The following LAMA2 variants were observed in gnomAD, a reference collection of about 807,000 sequenced individuals.
The protein encoded by LAMA2 is laminin subunit alpha 2.
A neutral mutation model predicts 364.8 loss-of-function variants in LAMA2; 269 were observed. The ratio of observed to expected loss-of-function variants is 0.74; its 90% CI spans 0.67 to 0.82. LAMA2 has a LOEUF of 0.82. Among genes scored for constraint, LAMA2 ranks in the 40% least tolerant of loss-of-function variants. The pLI, the probability that LAMA2 is intolerant of heterozygous loss-of-function variation, is 0.00. For missense variants in LAMA2, 3,807 were observed against 3,873.2 expected (o/e 0.98, Z 0.45); for synonymous variants, 1,379 against 1,370.6 (o/e 1.01, Z -0.14).
intron 1 of LAMA2, 101 bp from the exon 2 acceptor site, chr6:129,049,817 T>G (rs970488834): frequency 1.9e-6 from 2 of 1,030,872 alleles, no homozygotes; most frequent in Non-Finnish European, 3.0e-6. Context: ...TTGGGTTACT[T>G]TAATGCTCCG....
At chr6:129,241,259 A>G (rs567141901) in intron 12 of LAMA2, among the ~76,000 whole-genome samples, 5 of 152,318 alleles carry the variant, frequency 3.3e-5, no homozygotes, top group East Asian at 1.9e-4. Flanking sequence ...TGCTTATGCA[A>G]AATTCCATAG....
At chr6:129,079,921 G>C (rs1320118873) in intron 3 of LAMA2, among the ~76,000 whole-genome samples, 1 of 152,124 alleles carries the variant, frequency 6.6e-6, no homozygotes, top group Non-Finnish European at 1.5e-5. Context: ...TATAGCCTCT[G>C]TGATATGTCG....
At chr6:129,515,918 A>C (rs896922738) in intron 64 of LAMA2, among the ~76,000 whole-genome samples, 2 of 152,054 alleles carry the variant, frequency 1.3e-5, no homozygotes, top group African/African-American at 4.8e-5. Flanking sequence ...CGAAGGGAGG[A>C]TCGCTTGAGC....
chr6:129,325,301 G>A (rs367951249), intron 28 of LAMA2, among the ~76,000 whole-genome samples: 7 of 152,162 alleles, frequency 4.6e-5, no homozygotes, highest in African/African-American at 1.7e-4. Flanking sequence ...ATGGGTAAGA[G>A]GAGCTCAGGA....
At chr6:128,998,555 C>T (rs1784156597) in intron 1 of LAMA2, among the ~76,000 whole-genome samples, 1 of 97,738 alleles carries the variant, frequency 1.0e-5, no homozygotes, top group Admixed American at 9.1e-5. Context: ...CGTGCGCGAG[C>T]CGAAGCAGGG....
intron 1 of LAMA2, among the ~76,000 whole-genome samples, chr6:128,943,063 TA>T (rs1241205687): frequency 6.6e-6 from 1 of 152,220 alleles, no homozygotes; most frequent in African/African-American, 2.4e-5. Context: ...AGCTATTTTT[TA>T]AGACATATAG....
chr6:129,272,365 T>C (rs947462520), intron 17 of LAMA2, among the ~76,000 whole-genome samples: 2 of 152,146 alleles, frequency 1.3e-5, no homozygotes, highest in African/African-American at 4.8e-5. Flanking sequence ...AGGACTCTCA[T>C]AGGGTTGATG....
At chr6:129,347,670 G>T (rs1328434400) in intron 30 of LAMA2, among the ~76,000 whole-genome samples, 1 of 152,144 alleles carries the variant, frequency 6.6e-6, no homozygotes, top group African/African-American at 2.4e-5. Context: ...GTCACCATGA[G>T]AAAAGCACAA....
chr6:129,288,165 C>T (rs1789415614), intron 19 of LAMA2, 107 bp downstream of exon 19: 2 of 908,668 alleles, frequency 2.2e-6, no homozygotes, highest in Non-Finnish European at 3.7e-6. Flanking sequence ...ATGTGGAATA[C>T]ATGGTTGATA....
At chr6:129,423,526 A>C (rs1415061352) in intron 40 of LAMA2, among the ~76,000 whole-genome samples, 1 of 151,980 alleles carries the variant, frequency 6.6e-6, no homozygotes, top group Non-Finnish European at 1.5e-5. Context: ...TCATCTCTAC[A>C]ACCAAAAAAA....
chr6:128,948,489 A>C (rs1780613779), intron 1 of LAMA2, among the ~76,000 whole-genome samples: 1 of 152,140 alleles, frequency 6.6e-6, no homozygotes, highest in Non-Finnish European at 1.5e-5. Context: ...CCACACAAAA[A>C]ACACACACTA....
rs754496465 is a variant in LAMA2, at chr6:129,267,186, G to A, written c.2289G>A (p.Ala763=). The stretch of plus-strand genomic sequence containing the variant: ...AGCCATGTCAGTGCTTTGGTCATGC[G>A]GAGTCCTGTGATGACGTCACTGGAG... ...ICEPCQCFGH[A]ESCDDVTGEC... is the part of the protein sequence containing the mutation. Residue 763 remains alanine (A), a synonymous_variant, in exon 16 of 65, where the codon GCG becomes GCA. Transcript: ENST00000421865. The A allele has an allele frequency of 2.0e-5, 32 of 1,612,740 alleles. 1 individual carries two copies. Among genetic ancestry groups the A allele is most frequent in the East Asian group, 4.5e-5 (2 of 44,866 alleles).
chr6:129,252,351 C>G (rs925223814), intron 14 of LAMA2, 56 bp downstream of exon 14: 1 of 1,347,646 alleles, frequency 7.4e-7, no homozygotes, highest in African/African-American at 1.4e-5. Flanking sequence ...GGCCAAGGTG[C>G]AGGAGCCGCC....
At chr6:129,402,768 AT>A (rs1342987584) in intron 39 of LAMA2, among the ~76,000 whole-genome samples, 1 of 152,218 alleles carries the variant, frequency 6.6e-6, no homozygotes, top group Non-Finnish European at 1.5e-5. Flanking sequence ...TCTGTTCTTT[AT>A]TAAAAAGCAC....
At chr6:129,307,934 A>C (rs755580236) in intron 22 of LAMA2, among the ~76,000 whole-genome samples, 19 of 152,156 alleles carry the variant, frequency 1.2e-4, no homozygotes, top group Non-Finnish European at 2.5e-4. Flanking sequence ...CTATAGCAGT[A>C]CCCTATAGAG....
chr6:128,954,032 A>G (rs900897014), intron 1 of LAMA2, among the ~76,000 whole-genome samples: 3 of 152,134 alleles, frequency 2.0e-5, no homozygotes, highest in Admixed American at 6.6e-5. Flanking sequence ...CTTCTTCTTT[A>G]GTTCTACAGA....
chr6:129,145,805 A>G (rs1004926162), intron 5 of LAMA2, among the ~76,000 whole-genome samples: 1 of 151,978 alleles, frequency 6.6e-6, no homozygotes, highest in African/African-American at 2.4e-5. Flanking sequence ...TCATGACTCA[A>G]AAGCAAAGCA....
chr6:129,346,234 C>T (rs1213286657), intron 30 of LAMA2, among the ~76,000 whole-genome samples: 1 of 152,166 alleles, frequency 6.6e-6, no homozygotes, highest in Non-Finnish European at 1.5e-5. Context: ...TTTCCAGGCT[C>T]CAAGCCCTCA....
chr6:129,239,470 T>A (rs1424799711), intron 12 of LAMA2, among the ~76,000 whole-genome samples: 2 of 152,194 alleles, frequency 1.3e-5, no homozygotes, highest in Admixed American at 6.5e-5. Flanking sequence ...GAAATTTCAG[T>A]GGACTAACTC....
Sources: gnomAD v4.1 joint callset for allele counts (sites outside exome capture counted in the v4.1 genomes callset) on GRCh38, gnomAD v4.1.1 for gene constraint, MANE v1.5 for transcripts, NCBI Gene and HGNC (gene_info 2026-07-23, HGNC 2026-07-21) for gene names.